Variants in RELL1 observed in about 807,000 individuals in gnomAD.
RELL1 encodes the protein RELT like 1.
A neutral mutation model predicts 23.0 loss-of-function variants in RELL1; 10 were observed. The ratio of observed to expected loss-of-function variants is 0.43; its 90% CI spans 0.27 to 0.74. The LOEUF is 0.74. RELL1 is among the 30% of genes least tolerant of loss of function. RELL1 has a pLI of 0.19. For synonymous variants in RELL1, 146 were observed against 146.8 expected, an observed-to-expected ratio of 0.99 and a Z score of 0.04; for missense variants, 315 against 364.4, an observed-to-expected ratio of 0.86 and a Z score of 1.10.
intron 3 of RELL1, 69 bp downstream of exon 3, chr4:37,647,299 C>G (rs779625893): frequency 5.3e-5 from 56 of 1,062,752 alleles, no homozygotes; most frequent in Non-Finnish European, 7.4e-5. Flanking sequence ...TAAATCTTGA[C>G]TCTTCGAAGC....
chr4:37,673,392 A>G (rs1042026970), intron 1 of RELL1, among the ~76,000 whole-genome samples: 3 of 151,306 alleles, frequency 2.0e-5, no homozygotes, highest in Non-Finnish European at 4.4e-5. Flanking sequence ...GGGTCTTGCT[A>G]TGGTTTTCGG....
chr4:37,637,638 C>T (rs949059544), intron 4 of RELL1, among the ~76,000 whole-genome samples: 4 of 152,340 alleles, frequency 2.6e-5, no homozygotes, highest in African/African-American at 9.6e-5. Flanking sequence ...CACCATGAGG[C>T]CTCACACACA....
intron 6 of RELL1, among the ~76,000 whole-genome samples, chr4:37,619,911 TTTGTCACCAGAG>T (rs1283787767): frequency 3.3e-5 from 5 of 152,208 alleles, no homozygotes; most frequent in Non-Finnish European, 7.3e-5. Context: ...AACATTCATC[TTTGTCACCAGAG>T]AAGCAAAAAG....
At chr4:37,665,503 G>A (rs1721501845) in intron 1 of RELL1, 4 of 344,772 alleles carry the variant, frequency 1.2e-5, no homozygotes, top group East Asian at 7.5e-5. Flanking sequence ...ATAAGGGGAC[G>A]CTAAATCCGA....
chr4:37,655,766 C>G (rs1168822041), intron 1 of RELL1, among the ~76,000 whole-genome samples: 2 of 152,184 alleles, frequency 1.3e-5, no homozygotes, highest in African/African-American at 4.8e-5. Flanking sequence ...AGGCATTGAG[C>G]AACTGGATCT....
chr4:37,604,898 CAG>C (rs1438738194), intron 6 of RELL1, among the ~76,000 whole-genome samples: 5,160 of 87,356 alleles, frequency 0.059, 652 homozygotes, highest in African/African-American at 0.25. Context: ...GACACACACA[CAG>C]ACACACACAC....
chr4:37,598,284 A>AAAAAAAAAAAAAG (rs869260737), intron 6 of RELL1, among the ~76,000 whole-genome samples: 10 of 117,252 alleles, frequency 8.5e-5, no homozygotes, highest in East Asian at 3.1e-4. Flanking sequence ...AAAAAAAAAA[A>AAAAAAAAAAAAAG]GTTTATAGGA....
At chr4:37,649,601 G>A (rs375967379) in intron 1 of RELL1, 101 bp from the exon 2 acceptor site, 22 of 1,026,124 alleles carry the variant, frequency 2.1e-5, no homozygotes, top group Middle Eastern at 3.2e-4. Flanking sequence ...GTCTGCTCCC[G>A]AAACCACAGG....
intron 1 of RELL1, among the ~76,000 whole-genome samples, chr4:37,671,044 C>T (rs531629996): frequency 7.2e-5 from 11 of 152,280 alleles, no homozygotes; most frequent in South Asian, 2.1e-4. Flanking sequence ...CAACACCAAC[C>T]GGGTGTCCCA....
At chr4:37,597,535 A>G (rs1718895343) in intron 6 of RELL1, among the ~76,000 whole-genome samples, 1 of 152,226 alleles carries the variant, frequency 6.6e-6, no homozygotes, top group Admixed American at 6.5e-5. Context: ...AAACCTCAGA[A>G]TTTACATAAA....
In RELL1 at chr4:37,598,059, T is replaced by C. The variant is rs1442436427; in HGVS notation, c.*4-6842A>G. On this transcript the variant is annotated intron_variant, in intron 6 of 6. Transcript: ENST00000314117. The stretch of plus-strand genomic sequence containing the variant: ...ATATACACATATATATAAAATGATA[T>C]GTAATATATATATATCATAATATAT... Among the ~76,000 whole-genome samples, 3 of 109,926 alleles carry C rather than the reference T, an allele frequency of 2.7e-5. No individual in the cohort carries two copies. In the Admixed American group the frequency reaches 3.1e-4, roughly 11 times the overall value. The allele number at this position is 109,926 out of a possible 152,430, so 72.1% of individuals were successfully genotyped here.
At chr4:37,655,538 GGA>G (rs1721089406) in intron 1 of RELL1, among the ~76,000 whole-genome samples, 1 of 152,162 alleles carries the variant, frequency 6.6e-6, no homozygotes, top group Admixed American at 6.5e-5. Flanking sequence ...CCAGAACCCA[GGA>G]GAGAGGCATG....
chr4:37,591,081 G>A, exon 7 of RELL1: 1 of 1,201,970 alleles, frequency 8.3e-7, no homozygotes, highest in Non-Finnish European at 1.2e-6. Flanking sequence ...CATAGCAGGT[G>A]ATTCTGCCAG....
intron 6 of RELL1, among the ~76,000 whole-genome samples, chr4:37,593,149 C>T (rs1718697373): frequency 6.6e-6 from 1 of 152,180 alleles, no homozygotes; most frequent in African/African-American, 2.4e-5. Flanking sequence ...GTATTTAGTA[C>T]ACCAAATACT....
At chr4:37,642,164 G>A (rs1720553179) in intron 3 of RELL1, among the ~76,000 whole-genome samples, 1 of 152,174 alleles carries the variant, frequency 6.6e-6, no homozygotes, top group South Asian at 2.1e-4. Flanking sequence ...AACCCACTCG[G>A]TACTCACAGT....
At chr4:37,613,802 T>A (rs894708801) in intron 6 of RELL1, among the ~76,000 whole-genome samples, 1 of 152,252 alleles carries the variant, frequency 6.6e-6, no homozygotes, top group Non-Finnish European at 1.5e-5. Context: ...TAAGTCATTC[T>A]AACAACTGGC....
At chr4:37,617,852 A>G (rs1354183842) in intron 6 of RELL1, among the ~76,000 whole-genome samples, 1 of 152,262 alleles carries the variant, frequency 6.6e-6, no homozygotes, top group Admixed American at 6.5e-5. Flanking sequence ...AATGTATTTC[A>G]AAGTAGTTGG....
chr4:37,587,036 G>A (rs1003453781), downstream of RELL1, among the ~76,000 whole-genome samples: 2 of 151,862 alleles, frequency 1.3e-5, no homozygotes, highest in African/African-American at 4.8e-5. Context: ...AGGTGTCACC[G>A]GGGCCACACT....
At chr4:37,677,020 T>C (rs1722043653) in intron 1 of RELL1, among the ~76,000 whole-genome samples, 1 of 152,214 alleles carries the variant, frequency 6.6e-6, no homozygotes, top group Non-Finnish European at 1.5e-5. Flanking sequence ...CTTTCTGGGC[T>C]AGTTTCCCCA....
Sources: gnomAD v4.1 joint callset for allele counts (sites outside exome capture counted in the v4.1 genomes callset) on GRCh38, gnomAD v4.1.1 for gene constraint, MANE v1.5 for transcripts, NCBI Gene and HGNC (gene_info 2026-07-23, HGNC 2026-07-21) for gene names.